TXNDC16: variants seen among roughly 807,000 people sequenced by gnomAD.
The protein encoded by TXNDC16 is thioredoxin domain-containing protein 16.
TXNDC16 carries 74 observed loss-of-function variants against 85.6 expected under a neutral mutation model. The observed-to-expected ratio is 0.86, with a 90% CI of 0.72 to 1.05. TXNDC16 has a LOEUF of 1.05. TXNDC16 is among the 50% of genes least tolerant of loss of function. The pLI is 0.00. For missense variants in TXNDC16, 959 were observed against 947.0 expected (o/e 1.01, Z -0.17); for synonymous variants, 335 against 326.5 (o/e 1.03, Z -0.28).
Position 52,519,223 on chromosome 14 carries a change from T to G in TXNDC16, c.463A>C (p.Lys155Gln), listed in dbSNP as rs370734111. 4 of 1,611,070 alleles carry G rather than the reference T, an allele frequency of 2.5e-6. No homozygotes were observed. Among genetic ancestry groups the G allele is most frequent in the Non-Finnish European group, 3.4e-6 (4 of 1,178,502 alleles). Residue 155 changes from lysine to glutamine, a missense_variant, in exon 7 of 21, where the codon AAA (lysine) becomes CAA (glutamine). Physicochemically the swap from Lys to Gln is moderately conservative, Grantham distance 53. Transcript: ENST00000281741. ...GAGAATATAATATTTGCTTTTCCTTTCAGAGCATTTTCTATGTTCTGAAGG... is the reference window on the plus strand; with the variant it reads ...GAGAATATAATATTTGCTTTTCCTTGCAGAGCATTTTCTATGTTCTGAAGG... Reference protein sequence around the residue: ...EDLQNIENALKGKANIIFSYV... With the variant: ...EDLQNIENALQGKANIIFSYV...
intron 20 of TXNDC16, among the ~76,000 whole-genome samples, chr14:52,436,394 G>C (rs570281093): frequency 6.6e-6 from 1 of 152,150 alleles, no homozygotes. Context: ...TAAAATAGAT[G>C]AGTGGGTGCC....
At chr14:52,512,872 A>G (rs960594776) in intron 8 of TXNDC16, among the ~76,000 whole-genome samples, 2 of 152,176 alleles carry the variant, frequency 1.3e-5, no homozygotes, top group Non-Finnish European at 2.9e-5. Context: ...TGGGCAAAAC[A>G]TTCCTGTGAG....
intron 1 of TXNDC16, among the ~76,000 whole-genome samples, chr14:52,550,245 C>A (rs1295467087): frequency 6.6e-6 from 1 of 152,174 alleles, no homozygotes; most frequent in Admixed American, 6.5e-5. Context: ...TATTTTGCAA[C>A]AAATGGAGTA....
intron 16 of TXNDC16, 149 bp downstream of exon 16, chr14:52,469,888 C>T: frequency 1.4e-6 from 1 of 712,728 alleles, no homozygotes; most frequent in East Asian, 3.3e-5. Context: ...AACACTATCT[C>T]TGAATAATTA....
intron 8 of TXNDC16, 28 bp downstream of exon 8, chr14:52,514,852 A>T (rs1386068291): frequency 1.3e-6 from 2 of 1,537,886 alleles, no homozygotes; most frequent in East Asian, 2.3e-5. Context: ...AAACCTTTAA[A>T]TTGTTGACAT....
intron 6 of TXNDC16, among the ~76,000 whole-genome samples, chr14:52,528,043 AT>A (rs2037380017): frequency 6.6e-6 from 1 of 152,188 alleles, no homozygotes; most frequent in African/African-American, 2.4e-5. Flanking sequence ...TATGTTTCAA[AT>A]ATTAACAATT....
chr14:52,538,492 A>C (rs72684248), intron 4 of TXNDC16, among the ~76,000 whole-genome samples: 4,140 of 152,314 alleles, frequency 0.027, 90 homozygotes, highest in Non-Finnish European at 0.045. Context: ...GTTTAAAAGA[A>C]TATCACATTA....
chr14:52,469,606 G>A (rs2035856208), intron 16 of TXNDC16, among the ~76,000 whole-genome samples: 1 of 151,946 alleles, frequency 6.6e-6, no homozygotes, highest in African/African-American at 2.4e-5. Flanking sequence ...AGCTGGGCAT[G>A]GTGGCATGTG....
In TXNDC16 at chr14:52,432,279, T is replaced by A. The variant is rs778126336; in HGVS notation, c.*25A>T. On this transcript the variant is annotated 3_prime_UTR_variant, in exon 21 of 21. Transcript: ENST00000281741. ...AATTAAGTCTATCATGCCAAAAAAA[T>A]TTTGGAAACCACAGCCCTATAAAAT... The A allele has an allele frequency of 8.4e-6, 13 of 1,546,642 alleles. No individual in the cohort carries two copies. The highest frequency in any genetic ancestry group is 2.1e-5 in the Admixed American group (1 of 46,860).
chr14:52,507,669 C>A (rs1291890285), intron 9 of TXNDC16, among the ~76,000 whole-genome samples: 1 of 152,156 alleles, frequency 6.6e-6, no homozygotes, highest in Non-Finnish European at 1.5e-5. Context: ...AACTATACTA[C>A]AAGGCTACAG....
intron 14 of TXNDC16, among the ~76,000 whole-genome samples, chr14:52,480,727 A>G (rs1051883868): frequency 5.9e-5 from 9 of 151,960 alleles, no homozygotes; most frequent in African/African-American, 2.2e-4. Context: ...GCTGGTGGGA[A>G]TGTAAACTAG....
At chr14:52,524,405 T>C (rs2037279200) in intron 6 of TXNDC16, among the ~76,000 whole-genome samples, 1 of 152,240 alleles carries the variant, frequency 6.6e-6, no homozygotes. Flanking sequence ...GTACCATATC[T>C]TAATAAAGAG....
intron 16 of TXNDC16, chr14:52,462,745 A>T: frequency 2.8e-6 from 1 of 354,090 alleles, no homozygotes; most frequent in South Asian, 2.2e-5. Flanking sequence ...GAGAGTCCTC[A>T]TTTTTAAATG....
intron 9 of TXNDC16, among the ~76,000 whole-genome samples, chr14:52,505,422 C>T (rs2036772131): frequency 6.6e-6 from 1 of 152,174 alleles, no homozygotes; most frequent in Admixed American, 6.5e-5. Flanking sequence ...TCATTCAAAA[C>T]CGCTCAACTA....
Position 52,454,917 on chromosome 14 carries a change from C to G in TXNDC16, c.1842+407G>C, listed in dbSNP as rs541767146. Among the ~76,000 whole-genome samples the G allele has an allele frequency of 3.9e-5, 6 of 152,174 alleles. No homozygotes were observed. The South Asian group carries it at 1.0e-3, about 26-fold the overall frequency. On this transcript the variant is annotated intron_variant, in intron 18 of 20. Coordinates refer to ENST00000281741, the MANE Select transcript of TXNDC16 (RefSeq NM_020784.3). The stretch of plus-strand genomic sequence containing the variant: ...CAAATCATGTCTCATTCAGTCCTCA[C>G]AATAACTGTCTGCAGCAGATGCTAC...
chr14:52,455,504 G>T (rs947893152), intron 17 of TXNDC16, 42 bp from the exon 18 acceptor site: 4 of 1,609,058 alleles, frequency 2.5e-6, no homozygotes, highest in African/African-American at 1.3e-5. Context: ...TCAAAATCTA[G>T]CATGTCAAAA....
intron 9 of TXNDC16, among the ~76,000 whole-genome samples, chr14:52,501,950 G>A (rs774829518): frequency 3.6e-4 from 55 of 152,130 alleles, no homozygotes; most frequent in South Asian, 6.2e-4. Flanking sequence ...TTAGCCACCC[G>A]CCAATAGTCT....
chr14:52,435,148 T>A (rs1479399277), intron 20 of TXNDC16, among the ~76,000 whole-genome samples: 1 of 152,190 alleles, frequency 6.6e-6, no homozygotes, highest in Non-Finnish European at 1.5e-5. Flanking sequence ...ATTAAACTCA[T>A]TTTATAGTTG....
At position 52,506,616 on chromosome 14, in the gene TXNDC16, G is replaced by A. The variant is rs2140176017; in HGVS notation, c.756+4624C>T. 1.5e-5 allele frequency among the ~76,000 whole-genome samples: 2 copies of A among 137,260 alleles called. 1 individual carries two copies. The highest frequency in any genetic ancestry group is 4.6e-4 in the East Asian group (2 of 4,322). 90.0% of individuals were successfully genotyped at this position (137,260 alleles called of 152,430 possible). On this transcript the variant is annotated intron_variant, in intron 9 of 20. Coordinates refer to ENST00000281741, the MANE Select transcript of TXNDC16 (RefSeq NM_020784.3). ...CCAGGCCAGACTGCGGACTGCAGTG[G>A]CGCAATCTCGGCTCACTGCAAGCTC...
Sources: allele counts gnomAD v4.1 joint callset (sites outside exome capture counted in the v4.1 genomes callset), GRCh38; gene constraint gnomAD v4.1.1; transcripts MANE v1.5; gene names NCBI Gene and HGNC (gene_info 2026-07-23, HGNC 2026-07-21).